The following PPM1E variants were observed in gnomAD, a reference collection of about 807,000 sequenced individuals.
PPM1E encodes protein phosphatase 1E.
In PPM1E, 20 loss-of-function variants were observed where a neutral mutation model predicts 65.9. The ratio of observed to expected loss-of-function variants is 0.30; its 90% CI spans 0.21 to 0.44. PPM1E has a LOEUF of 0.44. Among genes scored for constraint, PPM1E ranks in the 20% least tolerant of loss-of-function variants. The pLI, the probability that PPM1E is intolerant of heterozygous loss-of-function variation, is 1.00. For missense variants in PPM1E, 713 were observed against 953.1 expected (o/e 0.75, Z 3.32); for synonymous variants, 352 against 374.9 (o/e 0.94, Z 0.70).
chr17:58,865,426 C>A (rs575986757), intron 1 of PPM1E, among the ~76,000 whole-genome samples: 1 of 152,104 alleles, frequency 6.6e-6, no homozygotes. Context: ...CAATCCTGGG[C>A]CAGCCATGGT....
At chr17:58,845,927 G>A (rs1024808179) in intron 1 of PPM1E, among the ~76,000 whole-genome samples, 27 of 152,094 alleles carry the variant, frequency 1.8e-4, no homozygotes, top group East Asian at 3.9e-4. Flanking sequence ...GTGATCTGCC[G>A]AACTCGGCCT....
intron 3 of PPM1E, among the ~76,000 whole-genome samples, chr17:58,968,569 G>T (rs1303660927): frequency 6.6e-6 from 1 of 152,138 alleles, no homozygotes; most frequent in East Asian, 1.9e-4. Context: ...TCAATGACAG[G>T]CCTGGACTCC....
intron 1 of PPM1E, among the ~76,000 whole-genome samples, chr17:58,942,795 G>A (rs901060485): frequency 1.3e-5 from 2 of 151,200 alleles, no homozygotes; most frequent in Admixed American, 1.3e-4. Flanking sequence ...TGCACATTGT[G>A]CACATGTACC....
At chr17:58,920,045 A>G (rs2051733321) in intron 1 of PPM1E, among the ~76,000 whole-genome samples, 1 of 152,200 alleles carries the variant, frequency 6.6e-6, no homozygotes, top group Non-Finnish European at 1.5e-5. Flanking sequence ...TATCTATAAA[A>G]GTGGTAACAG....
chr17:58,837,320 A>ACACACATACACACAC (rs1567849044), intron 1 of PPM1E, among the ~76,000 whole-genome samples: 2 of 120,286 alleles, frequency 1.7e-5, no homozygotes, highest in African/African-American at 6.6e-5. Flanking sequence ...GAATGAGAAT[A>ACACACATACACACAC]ACACACACAC....
intron 1 of PPM1E, among the ~76,000 whole-genome samples, chr17:58,926,689 A>AT (rs902805582): frequency 2.0e-4 from 30 of 151,748 alleles, no homozygotes; most frequent in African/African-American, 6.3e-4. Context: ...AGAGAAGCTG[A>AT]TTTTTTTTTA....
At chr17:58,872,445 G>T (rs2051081505) in intron 1 of PPM1E, among the ~76,000 whole-genome samples, 2 of 152,200 alleles carry the variant, frequency 1.3e-5, no homozygotes, top group South Asian at 4.1e-4. Context: ...TGTGTTGGTA[G>T]CAGCGTTCCA....
chr17:58,950,156 G>A (rs1411442560), intron 1 of PPM1E, among the ~76,000 whole-genome samples: 2 of 151,896 alleles, frequency 1.3e-5, no homozygotes, highest in African/African-American at 4.9e-5. Context: ...GAAGTTGAGA[G>A]TTTGAGACCA....
At chr17:58,973,625 T>C (rs1353418490) in intron 6 of PPM1E, among the ~76,000 whole-genome samples, 5 of 150,722 alleles carry the variant, frequency 3.3e-5, no homozygotes, top group African/African-American at 7.3e-5. Flanking sequence ...CTGGGCAACA[T>C]AGTAAGACTT....
At position 58,908,480 on chromosome 17, in the gene PPM1E, C is replaced by T. The variant is rs537194651; in HGVS notation, c.465-47169C>T. The stretch of plus-strand genomic sequence containing the variant: ...TTAAGGCGGGGTTTTGCTCTTGTTG[C>T]CCAAGCAGGAGTGCAATCGCATGAT... On this transcript the variant is annotated intron_variant, in intron 1 of 6. Coordinates refer to ENST00000308249, the MANE Select transcript of PPM1E (RefSeq NM_014906.5). Among the ~76,000 whole-genome samples, 13 of 150,796 alleles carry T rather than the reference C, an allele frequency of 8.6e-5. No homozygotes were observed. The South Asian group carries it at 1.7e-3, about 19-fold the overall frequency.
chr17:58,888,638 G>A (rs963273534), intron 1 of PPM1E, among the ~76,000 whole-genome samples: 19 of 151,962 alleles, frequency 1.3e-4, no homozygotes, highest in East Asian at 1.9e-4. Context: ...GATTACAGGC[G>A]TGAGCCACCA....
At chr17:58,849,217 A>T (rs919419049) in intron 1 of PPM1E, among the ~76,000 whole-genome samples, 35 of 152,094 alleles carry the variant, frequency 2.3e-4, no homozygotes, top group Non-Finnish European at 4.6e-4. Flanking sequence ...TTTTCAAAAA[A>T]CCAGCTCCTG....
intron 1 of PPM1E, among the ~76,000 whole-genome samples, chr17:58,812,720 ATTTTTTG>A: frequency 1.3e-5 from 2 of 151,802 alleles, no homozygotes; most frequent in East Asian, 3.9e-4. Context: ...TGCCCAGCTA[ATTTTTTG>A]TTTTTTGTTT....
intron 1 of PPM1E, among the ~76,000 whole-genome samples, chr17:58,920,526 C>A (rs766075105): frequency 6.6e-6 from 1 of 152,170 alleles, no homozygotes; most frequent in Non-Finnish European, 1.5e-5. Flanking sequence ...TCCATTTTCT[C>A]TATGATCTTC....
intron 6 of PPM1E, among the ~76,000 whole-genome samples, chr17:58,974,563 T>C (rs2030876693): frequency 6.6e-6 from 1 of 152,230 alleles, no homozygotes; most frequent in Non-Finnish European, 1.5e-5. Flanking sequence ...ATTTTAGGCT[T>C]CATGGCTTAG....
At chr17:58,878,466 ACTC>A (rs1306742000) in intron 1 of PPM1E, among the ~76,000 whole-genome samples, 2 of 150,244 alleles carry the variant, frequency 1.3e-5, no homozygotes, top group East Asian at 4.0e-4. Context: ...CTGGTCTTGA[ACTC>A]CTGACCTCAG....
At chr17:58,930,526 A>G (rs1208680211) in intron 1 of PPM1E, among the ~76,000 whole-genome samples, 1 of 152,202 alleles carries the variant, frequency 6.6e-6, no homozygotes, top group Non-Finnish European at 1.5e-5. Context: ...AATAAAATAC[A>G]TTGCCGTGAA....
intron 1 of PPM1E, among the ~76,000 whole-genome samples, chr17:58,770,079 C>T (rs1744557138): frequency 6.6e-6 from 1 of 151,918 alleles, no homozygotes; most frequent in Admixed American, 6.6e-5. Context: ...TGACATAAAA[C>T]ATTATCACTT....
At chr17:58,951,747 CTA>C (rs2052242588) in intron 1 of PPM1E, among the ~76,000 whole-genome samples, 1 of 151,904 alleles carries the variant, frequency 6.6e-6, no homozygotes, top group African/African-American at 2.4e-5. Context: ...AGTAGGATGC[CTA>C]TGAATAGCCA....
Sources: gnomAD v4.1 joint callset for allele counts (sites outside exome capture counted in the v4.1 genomes callset) on GRCh38, gnomAD v4.1.1 for gene constraint, MANE v1.5 for transcripts, NCBI Gene and HGNC (gene_info 2026-07-23, HGNC 2026-07-21) for gene names.